CUL7: variants seen among roughly 807,000 people sequenced by gnomAD.
CUL7 encodes the protein cullin-7.
In CUL7, 96 loss-of-function variants were observed where a neutral mutation model predicts 177.7. That is an observed-to-expected ratio of 0.54 (90% CI 0.46 to 0.64). The LOEUF (loss-of-function observed/expected upper bound fraction) is 0.64, where lower values mean the gene tolerates loss of function less well. CUL7 is among the 30% of genes least tolerant of loss of function. The pLI is 0.00. For missense variants in CUL7, 1,893 were observed against 2,187.9 expected (o/e 0.87, Z 2.69); for synonymous variants, 824 against 890.2 (o/e 0.93, Z 1.32).
At position 43,043,329 on chromosome 6, in the gene CUL7, G is replaced by T; in HGVS notation, c.3355+119C>A. Reference sequence around the variant, plus strand: ...TGGAGGTGACACAAACCTGGAAGATGAACAGGCTGAGCCCATAGGGAGGGG... The same window carrying T: ...TGGAGGTGACACAAACCTGGAAGATTAACAGGCTGAGCCCATAGGGAGGGG... On this transcript the variant is annotated intron_variant, in intron 17 of 25. Coordinates refer to ENST00000265348, the MANE Select transcript of CUL7 (RefSeq NM_014780.5). This position sits in a 1 kb window ranked among gnomAD's most constrained non-coding sequence, Gnocchi z 4.2. 1 of 1,235,400 alleles carries T rather than the reference G, an allele frequency of 8.1e-7. No homozygotes were observed. The highest frequency in any genetic ancestry group is 1.2e-6 in the Non-Finnish European group (1 of 849,312). The allele number at this position is 1,235,400 out of a possible 1,614,324, so 76.5% of individuals were successfully genotyped here.
chr6:43,053,577 G>C lies in CUL7; in HGVS notation c.-9+45C>G. On this transcript the variant is annotated intron_variant, in intron 1 of 25. Coordinates refer to ENST00000265348, the MANE Select transcript of CUL7 (RefSeq NM_014780.5). This position sits in a 1 kb window ranked among gnomAD's most constrained non-coding sequence, Gnocchi z 4.1. The stretch of plus-strand genomic sequence containing the variant: ...TGAGCGCGAGGCTCGATGGGCTAGT[G>C]GGCAGGGAAGGAGAAGCAAGGGGCC... The C allele has an allele frequency of 7.9e-7, 1 of 1,262,344 alleles. No homozygotes were observed. Among genetic ancestry groups the C allele is most frequent in the Non-Finnish European group, 1.0e-6 (1 of 975,702 alleles). The allele number at this position is 1,262,344 out of a possible 1,614,324, so 78.2% of individuals were successfully genotyped here.
At position 43,045,719 on chromosome 6, in the gene CUL7, T is replaced by C. The variant is rs565996045; in HGVS notation, c.2767-37A>G. ...CAGAGAAAGCTGTCACCTCCACACA[T>C]GCAGAGCCAAGTTGGCTCTAGGCTC... On this transcript the variant is annotated intron_variant, in intron 13 of 25. Transcript: ENST00000265348. The surrounding 1 kb of genome is among the most constrained non-coding windows in gnomAD (Gnocchi z 4.8). 5 of 1,607,534 alleles carry C rather than the reference T, an allele frequency of 3.1e-6. No homozygotes were observed. In the African/African-American group the frequency reaches 6.7e-5, roughly 21 times the overall value.
rs141756281 is a variant in CUL7, at chr6:43,040,719, G to A, written c.3834C>T (p.Gly1278=). The A allele has an allele frequency of 2.4e-5, 38 of 1,614,004 alleles. No homozygotes were observed. In the African/African-American group the frequency reaches 2.5e-4, roughly 11 times the overall value. Reference sequence around the variant, plus strand: ...CCCCCTCCAGCCAGCTCGAGACCACGCCCAGGAGACGGTCCGCCATGTAGT... The same window carrying A: ...CCCCCTCCAGCCAGCTCGAGACCACACCCAGGAGACGGTCCGCCATGTAGT... ...YQHYMADRLL[G]VVSSWLEGAV... The change falls in exon 21 of 26, where the codon GGC becomes GGT. Residue 1278 remains glycine, a synonymous_variant. Coordinates refer to ENST00000265348, the MANE Select transcript of CUL7 (RefSeq NM_014780.5). This position sits in a 1 kb window ranked among gnomAD's most constrained non-coding sequence, Gnocchi z 4.2.
chr6:43,039,440 T>G (rs997897357), intron 22 of CUL7, among the ~76,000 whole-genome samples: 1 of 152,082 alleles, frequency 6.6e-6, no homozygotes, highest in African/African-American at 2.4e-5. Flanking sequence ...GGATGACAGG[T>G]GACTGACCAG....
At position 43,053,733 on chromosome 6, in the gene CUL7, G is replaced by A. The variant is rs1194729154; in HGVS notation, c.-120C>T. On this transcript the variant is annotated 5_prime_UTR_variant, in exon 1 of 26. Transcript: ENST00000265348. The surrounding 1 kb of genome is among the most constrained non-coding windows in gnomAD (Gnocchi z 4.1). ...CACCTGGGCCCCGCGAGGGGGTCGA[G>A]ACGGAGAGACGGGAGGGGGCGTGCC... 1.4e-6 allele frequency: 2 copies of A among 1,474,508 alleles called. No homozygotes were observed. Among genetic ancestry groups the A allele is most frequent in the South Asian group, 1.3e-5 (1 of 77,938 alleles). 91.3% of individuals were successfully genotyped at this position (1,474,508 alleles called of 1,614,324 possible).
chr6:43,043,546 C>T lies in CUL7; in HGVS notation c.3257G>A (p.Gly1086Asp), dbSNP rs776904209. The change falls in exon 17 of 26, where the codon GGC becomes GAC. Residue 1086 changes from glycine (G) to aspartate (D), a missense_variant. Coordinates refer to ENST00000265348, the MANE Select transcript of CUL7 (RefSeq NM_014780.5). The surrounding 1 kb of genome is among the most constrained non-coding windows in gnomAD (Gnocchi z 4.2). The stretch of plus-strand genomic sequence containing the variant: ...GCGCACCCGCGAGAAGAAAGCTGGG[C>T]CGCGGCTCTGGGGGTTGAAGACAGC... ...QEAVFNPQSRGPAFFSRVRRL... is the reference protein window; with the variant it reads ...QEAVFNPQSRDPAFFSRVRRL... The T allele has an allele frequency of 1.5e-5, 25 of 1,613,936 alleles. No individual in the cohort carries two copies. Among genetic ancestry groups the T allele is most frequent in the African/African-American group, 5.3e-5 (4 of 74,922 alleles).
chr6:43,053,557 G>A lies in CUL7; in HGVS notation c.-9+65C>T. ...GGATGGGGACCGAGGTTGGGTGAGC[G>A]CGAGGCTCGATGGGCTAGTGGGCAG... On this transcript the variant is annotated intron_variant, in intron 1 of 25. Transcript: ENST00000265348. The surrounding 1 kb of genome is among the most constrained non-coding windows in gnomAD (Gnocchi z 4.1). The A allele has an allele frequency of 8.8e-7, 1 of 1,132,798 alleles. No homozygotes were observed. The highest frequency in any genetic ancestry group is 1.2e-6 in the Non-Finnish European group (1 of 864,450). 70.2% of individuals were successfully genotyped at this position (1,132,798 alleles called of 1,614,324 possible).
Position 43,052,417 on chromosome 6 carries a change from C to G in CUL7, c.372G>C (p.Gln124His). 6.2e-7 allele frequency: 1 copy of G among 1,614,114 alleles called. No individual in the cohort carries two copies. The highest frequency in any genetic ancestry group is 8.5e-7 in the Non-Finnish European group (1 of 1,179,916). ...GGATAGTGCCCACACACTCCTCCAG[C>G]TGCCGAAGGGCTCTCTGAATGAGGG... ...VKSLIQRALRQLEECVGTIPP... is the reference protein window; with the variant it reads ...VKSLIQRALRHLEECVGTIPP... The change falls in exon 2 of 26, where the codon CAG (glutamine) becomes CAC (histidine). Residue 124 changes from glutamine (Q) to histidine (H), a missense_variant. By Grantham distance (24) the Gln-to-His change is conservative (BLOSUM62 0). Coordinates refer to ENST00000265348, the MANE Select transcript of CUL7 (RefSeq NM_014780.5). The surrounding 1 kb of genome is among the most constrained non-coding windows in gnomAD (Gnocchi z 4.5).
intron 9 of CUL7, 90 bp downstream of exon 9, chr6:43,048,058 G>A (rs1251704519): frequency 2.0e-5 from 16 of 784,584 alleles, no homozygotes; most frequent in East Asian, 8.1e-5. Flanking sequence ...GCTCTATCAC[G>A]CCCTCCAGAG....
chr6:43,046,163 TC>T (rs1426795993), intron 12 of CUL7, 72 bp from the exon 13 acceptor site: 53 of 1,612,228 alleles, frequency 3.3e-5, no homozygotes, highest in Non-Finnish European at 4.3e-5. Context: ...GGGTGGTGCT[TC>T]CCCCAAAACA....
rs1764577820 is a variant in CUL7, at chr6:43,053,161, G to A, written c.-8-365C>T. ...CTATGGGGTATGTGAAGCCCAGAGG[G>A]GTATGTTTGGGAGGGAGATCGTGAG... On this transcript the variant is annotated intron_variant, in intron 1 of 25. Transcript: ENST00000265348. The surrounding 1 kb of genome is among the most constrained non-coding windows in gnomAD (Gnocchi z 4.1). Among the ~76,000 whole-genome samples, 1 of 152,170 alleles carries A rather than the reference G, an allele frequency of 6.6e-6. No homozygotes were observed. Among genetic ancestry groups the A allele is most frequent in the South Asian group, 2.1e-4 (1 of 4,828 alleles).
intron 9 of CUL7, 136 bp downstream of exon 9, chr6:43,048,012 A>C: frequency 1.6e-6 from 1 of 639,066 alleles, no homozygotes; most frequent in Non-Finnish European, 2.8e-6. Flanking sequence ...AATAAAATTC[A>C]ATTTTAAAAG....
chr6:43,039,734 TC>T (rs1426314520), intron 22 of CUL7, among the ~76,000 whole-genome samples: 1 of 133,252 alleles, frequency 7.5e-6, no homozygotes, highest in African/African-American at 2.9e-5. Context: ...AAAGACCAAC[TC>T]TTTTTTTTTT....
At chr6:43,041,452 G>A (rs762994729) in intron 19 of CUL7, among the ~76,000 whole-genome samples, 5 of 151,352 alleles carry the variant, frequency 3.3e-5, no homozygotes, top group East Asian at 2.0e-4. Context: ...CTAAAAATAC[G>A]AAAAAATTAG....
In CUL7 at chr6:43,043,450, G is replaced by T. The variant is rs1763623501; in HGVS notation, c.3353C>A (p.Pro1118His). The T allele has an allele frequency of 1.9e-6, 3 of 1,613,534 alleles. No individual in the cohort carries two copies. The African/African-American group carries it at 4.0e-5, about 22-fold the overall frequency. The change falls in exon 17 of 26, where the codon CCC becomes CAC. Residue 1118 changes from proline (P) to histidine (H), a missense_variant and splice_region_variant. Pro to His is a moderately conservative substitution (Grantham distance 77). Transcript: ENST00000265348. This position sits in a 1 kb window ranked among gnomAD's most constrained non-coding sequence, Gnocchi z 4.2. ...APPPVVATPRPKGRNRSHDWS... is the reference protein window; with the variant it reads ...APPPVVATPRHKGRNRSHDWS... ...CCACCTGAATCTCCACTACTCACTG[G>T]GCCGAGGAGTGGCCACCACAGGAGG...
rs530204240 is a variant in CUL7 at position 43,038,019 on chromosome 6, G to C, written c.4774-8C>G. 20 of 1,586,600 alleles carry C rather than the reference G, an allele frequency of 1.3e-5. No homozygotes were observed. In the Admixed American group the frequency reaches 1.7e-4, roughly 14 times the overall value. ...CTGCCAAGCCTCCAGCACCTGGTGT[G>C]GGGGAGGAAGGGAGAAGCGGTAGTT... On this transcript the variant is annotated splice_polypyrimidine_tract_variant and splice_region_variant and intron_variant, in intron 25 of 25. Transcript: ENST00000265348.
In CUL7 at chr6:43,042,997, G is replaced by A. The variant is rs371526639; in HGVS notation, c.3463-13C>T. 1 of 1,614,110 alleles carries A rather than the reference G, an allele frequency of 6.2e-7. No homozygotes were observed. The highest frequency in any genetic ancestry group is 1.1e-5 in the South Asian group (1 of 91,082). ...GAAAATTGTTCACCTGGAAGGAAGG[G>A]GCAGGAGCATGAAGACACAACCCAA... On this transcript the variant is annotated splice_polypyrimidine_tract_variant and intron_variant, in intron 18 of 25. Transcript: ENST00000265348.
rs766640818 is a variant in CUL7 at position 43,040,651 on chromosome 6, G to C, written c.3902C>G (p.Pro1301Arg). Residue 1301 changes from proline (P) to arginine (R), a missense_variant, in exon 21 of 26, where the codon CCC becomes CGC. Pro to Arg is a moderately radical substitution (Grantham distance 103). This residue lies in a region of CUL7 where 973 missense variants were observed against 1,140.9 expected (regional missense o/e 0.85). Coordinates refer to ENST00000265348, the MANE Select transcript of CUL7 (RefSeq NM_014780.5). This position sits in a 1 kb window ranked among gnomAD's most constrained non-coding sequence, Gnocchi z 4.2. ...QIGPCFPNRL[P>R]QQMLQSLSTS... is the part of the protein sequence containing the mutation. ...GCTCAGGCTCTGCAACATCTGCTGG[G>C]GGAGGCGGTTGGGGAAGCAGGGACC... The C allele has an allele frequency of 1.2e-6, 2 of 1,614,196 alleles. No homozygotes were observed. Among genetic ancestry groups the C allele is most frequent in the Non-Finnish European group, 1.7e-6 (2 of 1,180,040 alleles).
chr6:43,041,334 C>A (rs929948332), intron 19 of CUL7, among the ~76,000 whole-genome samples: 1 of 152,162 alleles, frequency 6.6e-6, no homozygotes, highest in African/African-American at 2.4e-5. Flanking sequence ...TAAGACCAGG[C>A]GCAGTTCACG....
Sources: gnomAD v4.1 joint callset for allele counts (sites outside exome capture counted in the v4.1 genomes callset) on GRCh38, gnomAD v4.1.1 for gene constraint, gnomAD v4.1.1 regional missense constraint, Gnocchi (gnomAD v3.1) non-coding constraint, MANE v1.5 for transcripts, NCBI Gene and HGNC (gene_info 2026-07-23, HGNC 2026-07-21) for gene names.